GPHN: variants seen among roughly 807,000 people sequenced by gnomAD.
The protein encoded by GPHN is gephyrin.
Under a neutral mutation model 95.5 loss-of-function variants are expected in GPHN, and 17 were observed. The observed-to-expected ratio is 0.18, with a 90% CI of 0.12 to 0.27. The LOEUF (loss-of-function observed/expected upper bound fraction) is 0.27. GPHN is among the 10% of genes least tolerant of loss of function. The probability of loss-of-function intolerance (pLI) is 1.00; values close to 1 mark genes in which losing one functional copy is unlikely to be tolerated. For missense variants in GPHN, 660 were observed against 978.1 expected (o/e 0.67, Z 4.34); for synonymous variants, 320 against 322.5 (o/e 0.99, Z 0.08).
At chr14:66,746,691 A>G (rs1595766658) in intron 2 of GPHN, among the ~76,000 whole-genome samples, 2 of 152,126 alleles carry the variant, frequency 1.3e-5, no homozygotes, top group African/African-American at 4.8e-5. Context: ...TTGTTCTTCA[A>G]AAAAGAAATT....
At chr14:66,998,646 C>G (rs1013641010) in intron 9 of GPHN, among the ~76,000 whole-genome samples, 12 of 151,962 alleles carry the variant, frequency 7.9e-5, no homozygotes, top group Admixed American at 2.0e-4. Flanking sequence ...ACATTTACAT[C>G]ATCATCTTCA....
At chr14:67,129,220 T>C (rs908608502) in intron 17 of GPHN, among the ~76,000 whole-genome samples, 2 of 152,130 alleles carry the variant, frequency 1.3e-5, no homozygotes, top group Admixed American at 1.3e-4. Flanking sequence ...ATTCCCCTTA[T>C]GCATTATTAA....
chr14:66,639,543 A>G (rs1467353305), intron 1 of GPHN, among the ~76,000 whole-genome samples: 1 of 152,134 alleles, frequency 6.6e-6, no homozygotes, highest in Non-Finnish European at 1.5e-5. Context: ...TACTTCTGCA[A>G]TATAAAATGA....
chr14:66,804,198 T>A (rs1450020996), intron 3 of GPHN, among the ~76,000 whole-genome samples: 3 of 152,212 alleles, frequency 2.0e-5, no homozygotes, highest in Non-Finnish European at 4.4e-5. Flanking sequence ...GGAATTGAGC[T>A]GGATTACAGC....
the GPHN span, chr14:67,201,619 G>A: frequency 6.7e-6 from 3 of 444,748 alleles, no homozygotes; most frequent in Non-Finnish European, 1.4e-5. Flanking sequence ...CAAGGGGTGT[G>A]GAGTGGAACC....
At chr14:67,425,415 C>T in the GPHN span, among the ~76,000 whole-genome samples, 5 of 151,934 alleles carry the variant, frequency 3.3e-5, no homozygotes, top group Admixed American at 6.6e-5. Context: ...TGGTGGCACA[C>T]GCCTATAGTC....
intron 9 of GPHN, among the ~76,000 whole-genome samples, chr14:66,971,248 A>G (rs1048122492): frequency 6.6e-6 from 1 of 152,220 alleles, no homozygotes; most frequent in Non-Finnish European, 1.5e-5. Context: ...GATTCGCTTG[A>G]ACACGGGAGG....
the GPHN span, among the ~76,000 whole-genome samples, chr14:67,458,293 T>A: frequency 6.6e-6 from 1 of 152,032 alleles, no homozygotes; most frequent in East Asian, 1.9e-4. Context: ...CTCCTCAGAT[T>A]TGATGAATTG....
the GPHN span, among the ~76,000 whole-genome samples, chr14:67,306,668 C>G: frequency 2.6e-5 from 4 of 152,096 alleles, no homozygotes; most frequent in African/African-American, 9.7e-5. Flanking sequence ...ATGCCCAGCC[C>G]CTTCTTTTCT....
chr14:66,788,454 G>A (rs1368049568), intron 3 of GPHN, among the ~76,000 whole-genome samples: 1 of 152,204 alleles, frequency 6.6e-6, no homozygotes, highest in African/African-American at 2.4e-5. Flanking sequence ...ATAACATACT[G>A]TAAATCATAT....
chr14:67,498,086 T>G, the GPHN span, among the ~76,000 whole-genome samples: 1 of 152,184 alleles, frequency 6.6e-6, no homozygotes, highest in Non-Finnish European at 1.5e-5. Context: ...AGAGAACAAT[T>G]GTTTTTTCTT....
At chr14:67,583,622 A>T in the GPHN span, 17,920 of 675,136 alleles carry the variant, frequency 0.027, 747 homozygotes, top group East Asian at 0.13. Context: ...ATTTTTCACA[A>T]CCACTCGCAC....
chr14:66,928,164 C>G (rs930797446), intron 8 of GPHN, among the ~76,000 whole-genome samples: 15 of 152,072 alleles, frequency 9.9e-5, no homozygotes, highest in Non-Finnish European at 2.1e-4. Flanking sequence ...GGTATTGGTT[C>G]TTTTCTTTGC....
At chr14:66,583,943 G>A (rs1456567062) in intron 1 of GPHN, among the ~76,000 whole-genome samples, 2 of 152,032 alleles carry the variant, frequency 1.3e-5, no homozygotes, top group African/African-American at 2.4e-5. Context: ...GTAGCTTGAT[G>A]GGGATGGCAT....
At chr14:67,282,082 A>G in the GPHN span, among the ~76,000 whole-genome samples, 1 of 152,208 alleles carries the variant, frequency 6.6e-6, no homozygotes, top group Non-Finnish European at 1.5e-5. Context: ...TAGTCAACAC[A>G]GATATCTGTT....
intron 12 of GPHN, among the ~76,000 whole-genome samples, chr14:67,098,638 C>T (rs751959714): frequency 1.1e-4 from 17 of 151,968 alleles, no homozygotes; most frequent in Non-Finnish European, 1.8e-4. Context: ...GATGAAACCC[C>T]GTCTCTACTA....
the GPHN span, among the ~76,000 whole-genome samples, chr14:67,606,520 A>G: frequency 2.0e-5 from 3 of 152,328 alleles, no homozygotes; most frequent in South Asian, 2.1e-4. Flanking sequence ...CCCTCAGCTC[A>G]GTTTTATTAT....
At chr14:66,972,630 CA>C (rs1440830412) in intron 9 of GPHN, among the ~76,000 whole-genome samples, 1 of 151,606 alleles carries the variant, frequency 6.6e-6, no homozygotes, top group Non-Finnish European at 1.5e-5. Context: ...TTGTCACATT[CA>C]AGGGCCAAGT....
At chr14:67,096,012 C>T (rs1482487552) in intron 12 of GPHN, among the ~76,000 whole-genome samples, 1 of 149,954 alleles carries the variant, frequency 6.7e-6, no homozygotes, top group East Asian at 1.9e-4. Context: ...GACCTTGTCC[C>T]AGCCCTACTA....
Sources: allele counts gnomAD v4.1 joint callset (sites outside exome capture counted in the v4.1 genomes callset), GRCh38; gene constraint gnomAD v4.1.1; transcripts MANE v1.5; gene names NCBI Gene and HGNC (gene_info 2026-07-23, HGNC 2026-07-21).